The following FAM185A variants were observed in gnomAD, a reference collection of about 807,000 sequenced individuals.
The protein encoded by FAM185A is protein FAM185A.
FAM185A carries 21 observed loss-of-function variants against 45.7 expected under a neutral mutation model. That is an observed-to-expected ratio of 0.46 (90% CI 0.33 to 0.66). FAM185A has a LOEUF of 0.66. FAM185A is among the 30% of genes least tolerant of loss of function. The probability of loss-of-function intolerance (pLI) is 0.03; values close to 1 mark genes in which losing one functional copy is unlikely to be tolerated. For synonymous variants in FAM185A, 117 were observed against 194.0 expected, an observed-to-expected ratio of 0.60 and a Z score of 3.30; for missense variants, 305 against 485.4, an observed-to-expected ratio of 0.63 and a Z score of 3.49.
the FAM185A span, among the ~76,000 whole-genome samples, chr7:102,817,513 G>A: frequency 0.029 from 4,430 of 152,038 alleles, 188 homozygotes; most frequent in East Asian, 0.16. Context: ...GACCTTTGTC[G>A]GATGCATAAT....
At chr7:102,834,114 G>GA in the FAM185A span, among the ~76,000 whole-genome samples, 17 of 113,776 alleles carry the variant, frequency 1.5e-4, no homozygotes, top group African/African-American at 5.2e-4. Flanking sequence ...AAGAAAGAAA[G>GA]AAAGAAAGAA....
chr7:102,782,976 C>CA (rs1311642246), intron 6 of FAM185A, among the ~76,000 whole-genome samples: 2 of 150,214 alleles, frequency 1.3e-5, no homozygotes, highest in African/African-American at 2.5e-5. Flanking sequence ...AAATAGAAAA[C>CA]AAAAAAAGGC....
intron 6 of FAM185A, among the ~76,000 whole-genome samples, chr7:102,784,811 T>C (rs1249683396): frequency 6.6e-6 from 1 of 152,150 alleles, no homozygotes; most frequent in Non-Finnish European, 1.5e-5. Context: ...CTCTTCAACA[T>C]AGTGTTGGAA....
At chr7:102,782,588 A>G (rs1465893535) in intron 6 of FAM185A, among the ~76,000 whole-genome samples, 1 of 152,200 alleles carries the variant, frequency 6.6e-6, no homozygotes, top group Admixed American at 6.5e-5. Context: ...TACTTTACAG[A>G]CAAGCAACTG....
chr7:102,794,797 G>A (rs1417860256), intron 7 of FAM185A, among the ~76,000 whole-genome samples: 1 of 152,202 alleles, frequency 6.6e-6, no homozygotes, highest in African/African-American at 2.4e-5. Flanking sequence ...ATGACTCATG[G>A]TATGTCCACA....
the FAM185A span, chr7:102,814,377 A>T: frequency 6.6e-6 from 1 of 152,192 alleles, no homozygotes; most frequent in African/African-American, 2.4e-5. Flanking sequence ...AGTCATTGAT[A>T]TGGAGCTGGC....
At chr7:102,759,229 AC>A (rs1793963389) in intron 3 of FAM185A, among the ~76,000 whole-genome samples, 1 of 152,146 alleles carries the variant, frequency 6.6e-6, no homozygotes, top group Non-Finnish European at 1.5e-5. Flanking sequence ...GAATATTGTA[AC>A]ATTTGCATTC....
chr7:102,840,550 G>A, the FAM185A span, among the ~76,000 whole-genome samples: 1 of 152,268 alleles, frequency 6.6e-6, no homozygotes, highest in East Asian at 1.9e-4. Context: ...TCTTTCCCAA[G>A]AAAATGACAA....
At chr7:102,780,253 CAT>C (rs1481651527) in intron 6 of FAM185A, among the ~76,000 whole-genome samples, 2 of 151,994 alleles carry the variant, frequency 1.3e-5, no homozygotes, top group Non-Finnish European at 2.9e-5. Context: ...GGGGTTAATG[CAT>C]TATGGCAGGG....
chr7:102,836,034 T>C, the FAM185A span, among the ~76,000 whole-genome samples: 3 of 152,180 alleles, frequency 2.0e-5, no homozygotes, highest in East Asian at 5.8e-4. Flanking sequence ...TATTGAAGGA[T>C]GAAACAAGCT....
intron 6 of FAM185A, among the ~76,000 whole-genome samples, chr7:102,781,492 T>A (rs555435440): frequency 6.6e-6 from 1 of 152,320 alleles, no homozygotes; most frequent in South Asian, 2.1e-4. Flanking sequence ...CAGCAACATC[T>A]GCTCTTCACC....
At chr7:102,812,361 T>G (rs985321441), downstream of FAM185A, among the ~76,000 whole-genome samples, 3 of 152,240 alleles carry the variant, frequency 2.0e-5, no homozygotes, top group African/African-American at 7.2e-5. Flanking sequence ...TAGCATAGTT[T>G]AAGAATTCCT....
chr7:102,760,481 A>C (rs566216619), intron 3 of FAM185A, among the ~76,000 whole-genome samples: 97 of 152,230 alleles, frequency 6.4e-4, no homozygotes, highest in African/African-American at 2.3e-3. Context: ...AATCAATAGA[A>C]TCAGATAAAG....
rs545699900 is a variant in FAM185A at position 102,754,000 on chromosome 7, C to A, written c.561+2199C>A. Among the ~76,000 whole-genome samples, 22 of 152,160 alleles carry A rather than the reference C, an allele frequency of 1.4e-4. No homozygotes were observed. In the East Asian group the frequency reaches 4.2e-3, roughly 29 times the overall value. The stretch of plus-strand genomic sequence containing the variant: ...TACGCCTGTGGATACTAATGGTATA[C>A]CAAGGGTTAAGAGAATTATCCTTGA... On this transcript the variant is annotated intron_variant, in intron 2 of 7. Transcript: ENST00000413034.
chr7:102,833,096 C>A, the FAM185A span: 1 of 1,003,960 alleles, frequency 1.0e-6, no homozygotes, highest in South Asian at 1.8e-5. Flanking sequence ...TCTTGATGCC[C>A]CCAAAAAATA....
chr7:102,827,571 A>G, the FAM185A span, among the ~76,000 whole-genome samples: 1 of 151,918 alleles, frequency 6.6e-6, no homozygotes, highest in African/African-American at 2.4e-5. Context: ...ACATGTGCAC[A>G]ATGTGCATGT....
At chr7:102,806,163 T>TTG (rs1423958601) in intron 7 of FAM185A, among the ~76,000 whole-genome samples, 3 of 141,986 alleles carry the variant, frequency 2.1e-5, no homozygotes, top group Non-Finnish European at 3.1e-5. Context: ...TGTTGTTGTT[T>TTG]ATTAAGTTGC....
At chr7:102,769,218 G>A (rs982792265) in intron 4 of FAM185A, among the ~76,000 whole-genome samples, 1 of 151,884 alleles carries the variant, frequency 6.6e-6, no homozygotes, top group Non-Finnish European at 1.5e-5. Flanking sequence ...TTTTGTTGTT[G>A]TTGCTCCATT....
At chr7:102,781,330 T>A (rs1795392640) in intron 6 of FAM185A, among the ~76,000 whole-genome samples, 1 of 152,208 alleles carries the variant, frequency 6.6e-6, no homozygotes, top group Non-Finnish European at 1.5e-5. Flanking sequence ...TCTCCCAGCA[T>A]GCAGCTGGAC....
Sources: allele counts gnomAD v4.1 joint callset (sites outside exome capture counted in the v4.1 genomes callset), GRCh38; gene constraint gnomAD v4.1.1; transcripts MANE v1.5; gene names NCBI Gene and HGNC (gene_info 2026-07-23, HGNC 2026-07-21).